Variants in LMNB1 observed in about 807,000 individuals in gnomAD.
The protein encoded by LMNB1 is lamin-B1.
LMNB1 carries 23 observed loss-of-function variants against 67.1 expected under a neutral mutation model. The observed-to-expected ratio is 0.34, with a 90% CI of 0.25 to 0.49. The LOEUF is 0.49. Among genes scored for constraint, LMNB1 ranks in the 20% least tolerant of loss-of-function variants. The pLI is 0.99. For synonymous variants in LMNB1, 281 were observed against 282.9 expected, an observed-to-expected ratio of 0.99 and a Z score of 0.07; for missense variants, 634 against 746.5, an observed-to-expected ratio of 0.85 and a Z score of 1.76.
chr5:126,828,645 G>A (rs370636158), intron 9 of LMNB1, among the ~76,000 whole-genome samples: 5 of 150,742 alleles, frequency 3.3e-5, no homozygotes, highest in South Asian at 2.1e-4. Flanking sequence ...GGCATAGCAC[G>A]ATCTCGGCTC....
At position 126,810,210 on chromosome 5, in the gene LMNB1, A is replaced by G; in HGVS notation, c.673A>G (p.Thr225Ala). Residue 225 changes from threonine (T) to alanine (A), a missense_variant, in exon 4 of 11, where the codon ACG becomes GCG. Physicochemically the swap from Thr to Ala is moderately conservative, Grantham distance 58 (BLOSUM62 0). Transcript: ENST00000261366. ...TAACGAGACCAGAAGGAAGCATGAA[A>G]CGCGCTTGGTAGAGGTGGATTCTGG... ...EINETRRKHE[T>A]RLVEVDSGRQ... The G allele has an allele frequency of 6.2e-7, 1 of 1,613,052 alleles. No individual in the cohort carries two copies. The highest frequency in any genetic ancestry group is 8.5e-7 in the Non-Finnish European group (1 of 1,179,156).
intron 9 of LMNB1, among the ~76,000 whole-genome samples, chr5:126,828,654 T>C (rs1255643619): frequency 6.6e-6 from 1 of 151,468 alleles, no homozygotes; most frequent in African/African-American, 2.4e-5. Context: ...CGATCTCGGC[T>C]CACTGCAACC....
intron 1 of LMNB1, among the ~76,000 whole-genome samples, chr5:126,798,762 A>AGTGTGTGTGTGT (rs71665643): frequency 0.034 from 5,138 of 149,110 alleles, 107 homozygotes; most frequent in South Asian, 0.054. Flanking sequence ...AAAAAAGAGA[A>AGTGTGTGTGTGT]GTGTGTGTGT....
At chr5:126,791,690 C>T (rs1750962792) in intron 1 of LMNB1, among the ~76,000 whole-genome samples, 1 of 151,992 alleles carries the variant, frequency 6.6e-6, no homozygotes, top group South Asian at 2.1e-4. Context: ...TGGTCTCAAA[C>T]TCCTGAGCTC....
chr5:126,790,000 GTTTCT>G (rs1750909771), intron 1 of LMNB1, among the ~76,000 whole-genome samples: 1 of 151,356 alleles, frequency 6.6e-6, no homozygotes, highest in African/African-American at 2.4e-5. Flanking sequence ...TAGAGATGAG[GTTTCT>G]TCATGTTAGG....
intron 1 of LMNB1, among the ~76,000 whole-genome samples, chr5:126,804,341 G>A (rs1580539035): frequency 7.1e-6 from 1 of 140,168 alleles, no homozygotes; most frequent in African/African-American, 2.6e-5. Context: ...GCCTCTCAAA[G>A]TGATGTGATT....
intron 1 of LMNB1, among the ~76,000 whole-genome samples, chr5:126,799,494 C>A (rs1751209405): frequency 6.6e-6 from 1 of 152,216 alleles, no homozygotes; most frequent in South Asian, 2.1e-4. Context: ...CATTTTACTT[C>A]AGCATCTGCA....
chr5:126,784,856 GTTTCACCGTGTTAGCCGGGA>G (rs1237255554), intron 1 of LMNB1, among the ~76,000 whole-genome samples: 3 of 149,836 alleles, frequency 2.0e-5, no homozygotes, highest in Non-Finnish European at 4.4e-5. Flanking sequence ...TAGAGGCTGG[GTTTCACCGTGTTAGCCGGGA>G]TGGGCTCGAT....
intron 9 of LMNB1, among the ~76,000 whole-genome samples, chr5:126,829,131 C>T (rs1194218907): frequency 2.0e-5 from 3 of 151,546 alleles, no homozygotes; most frequent in African/African-American, 7.3e-5. Context: ...AGTTTTGTTT[C>T]TTATGTTTTT....
chr5:126,800,954 T>C (rs6894559), intron 1 of LMNB1, among the ~76,000 whole-genome samples: 4,309 of 53,842 alleles, frequency 0.08, 194 homozygotes, highest in Non-Finnish European at 0.092. Context: ...AGCCAGACTA[T>C]ATATATATAT....
chr5:126,820,630 A>G (rs1751842287), intron 6 of LMNB1, among the ~76,000 whole-genome samples: 1 of 152,086 alleles, frequency 6.6e-6, no homozygotes, highest in South Asian at 2.1e-4. Flanking sequence ...GGTTCAAGCC[A>G]TTCTCCTGCC....
Position 126,777,526 on chromosome 5 carries a change from C to G in LMNB1, c.18C>G (p.Pro6=). The G allele has an allele frequency of 7.2e-7, 1 of 1,389,024 alleles. No individual in the cohort carries two copies. The highest frequency in any genetic ancestry group is 9.3e-7 in the Non-Finnish European group (1 of 1,070,666). The allele number at this position is 1,389,024 out of a possible 1,614,324, so 86.0% of individuals were successfully genotyped here. Residue 6 remains proline, a synonymous_variant, in exon 1 of 11, where the codon CCC becomes CCG. Coordinates refer to ENST00000261366, the MANE Select transcript of LMNB1 (RefSeq NM_005573.4). The part of the protein sequence containing the change: MATAT[P]VPPRMGSRAG... ...CGCCCGCCATGGCGACTGCGACCCC[C>G]GTGCCGCCGCGGATGGGCAGCCGCG...
At chr5:126,791,510 T>C (rs1750958510) in intron 1 of LMNB1, among the ~76,000 whole-genome samples, 1 of 152,012 alleles carries the variant, frequency 6.6e-6, no homozygotes, top group Non-Finnish European at 1.5e-5. Context: ...CAGGCTGGAG[T>C]GCAGTGGCAT....
At chr5:126,797,344 G>T (rs1341209335) in intron 1 of LMNB1, among the ~76,000 whole-genome samples, 1 of 152,182 alleles carries the variant, frequency 6.6e-6, no homozygotes, top group African/African-American at 2.4e-5. Flanking sequence ...TATATTTCTA[G>T]TATTAGATTC....
chr5:126,832,076 G>T (rs1302595795), intron 9 of LMNB1, among the ~76,000 whole-genome samples: 2 of 152,038 alleles, frequency 1.3e-5, no homozygotes, highest in Non-Finnish European at 2.9e-5. Flanking sequence ...GACCAGCCTG[G>T]CCAACGTGGC....
intron 1 of LMNB1, among the ~76,000 whole-genome samples, chr5:126,802,302 A>G (rs1408788096): frequency 2.6e-5 from 4 of 152,116 alleles, no homozygotes; most frequent in Non-Finnish European, 5.9e-5. Context: ...TGAAATTTTT[A>G]TTAATTAAAG....
rs192490338 is a variant in LMNB1 at position 126,789,435 on chromosome 5, G to T, written c.359+11568G>T. On this transcript the variant is annotated intron_variant, in intron 1 of 10. Transcript: ENST00000261366. ...ACTTTTGTGTATGAAAGAGGGAGCTGTTAATAATTATGCAGTGACAGCTCG... is the reference window on the plus strand; with the variant it reads ...ACTTTTGTGTATGAAAGAGGGAGCTTTTAATAATTATGCAGTGACAGCTCG... Among the ~76,000 whole-genome samples, 5 of 152,216 alleles carry T rather than the reference G, an allele frequency of 3.3e-5. 1 individual carries two copies. The highest frequency in any genetic ancestry group is 3.3e-4 in the Admixed American group (5 of 15,278).
At chr5:126,820,470 C>T (rs913737745) in intron 6 of LMNB1, among the ~76,000 whole-genome samples, 1 of 152,144 alleles carries the variant, frequency 6.6e-6, no homozygotes, top group African/African-American at 2.4e-5. Flanking sequence ...TTGGCTTTGG[C>T]TAACAGATTG....
chr5:126,790,475 C>G (rs1341774610), intron 1 of LMNB1, among the ~76,000 whole-genome samples: 2 of 151,672 alleles, frequency 1.3e-5, no homozygotes, highest in Non-Finnish European at 2.9e-5. Context: ...AGCAGAAATA[C>G]TTACATAGTC....
Sources: allele counts gnomAD v4.1 joint callset (sites outside exome capture counted in the v4.1 genomes callset), GRCh38; gene constraint gnomAD v4.1.1; transcripts MANE v1.5; gene names NCBI Gene and HGNC (gene_info 2026-07-23, HGNC 2026-07-21).